ZNF385D: variants seen among roughly 807,000 people sequenced by gnomAD.
ZNF385D encodes the protein zinc finger protein 385D.
ZNF385D carries 15 observed loss-of-function variants against 35.8 expected under a neutral mutation model. That is an observed-to-expected ratio of 0.42 (90% CI 0.28 to 0.64). The LOEUF (loss-of-function observed/expected upper bound fraction) is 0.64. Among genes scored for constraint, ZNF385D ranks in the 30% least tolerant of loss-of-function variants. The probability of loss-of-function intolerance (pLI) is 0.23; values close to 1 mark genes in which losing one functional copy is unlikely to be tolerated. For synonymous variants in ZNF385D, 212 were observed against 186.8 expected (o/e 1.13, Z -1.10); for missense variants, 474 against 494.6 (o/e 0.96, Z 0.39).
At chr3:21,801,394 A>G (rs894876890) in intron 3 of ZNF385D, among the ~76,000 whole-genome samples, 1 of 152,196 alleles carries the variant, frequency 6.6e-6, no homozygotes, top group African/African-American at 2.4e-5. Flanking sequence ...TGGGAAGATA[A>G]GTGTTAATTA....
rs150926281 is a variant in ZNF385D, at chr3:21,415,185, C to T, written c.*6029G>A. The T allele has an allele frequency of 3.9e-5, 6 of 152,204 alleles. No homozygotes were observed. In the East Asian group the frequency reaches 9.6e-4, roughly 24 times the overall value. The allele number at this position is 152,204 out of a possible 1,614,324, so 9.4% of individuals were successfully genotyped here. ...GACTTTAAAAATAATATTTGTTGTACTGGCAAAAATACAATCTGGGTTTCC... is the reference window on the plus strand; with the variant it reads ...GACTTTAAAAATAATATTTGTTGTATTGGCAAAAATACAATCTGGGTTTCC... On this transcript the variant is annotated 3_prime_UTR_variant, in exon 8 of 8. Coordinates refer to ENST00000281523, the MANE Select transcript of ZNF385D (RefSeq NM_024697.3).
chr3:21,580,762 C>CAT (rs760778520), intron 2 of ZNF385D, among the ~76,000 whole-genome samples: 21 of 151,316 alleles, frequency 1.4e-4, no homozygotes, highest in African/African-American at 4.4e-4. Flanking sequence ...TGCAAATGTA[C>CAT]ATATATATAT....
chr3:22,193,346 T>C (rs1696188248), intron 2 of ZNF385D, among the ~76,000 whole-genome samples: 1 of 152,168 alleles, frequency 6.6e-6, no homozygotes, highest in East Asian at 1.9e-4. Flanking sequence ...CATTTTTCTA[T>C]TACAAAGTGA....
chr3:21,493,571 G>C (rs1397649556), intron 4 of ZNF385D, among the ~76,000 whole-genome samples: 1 of 151,852 alleles, frequency 6.6e-6, no homozygotes, highest in East Asian at 1.9e-4. Context: ...AAATGTCTTA[G>C]TAATATAGGG....
At chr3:22,372,613 C>G (rs1049859216) in exon 2 of ZNF385D, 18 of 720,802 alleles carry the variant, frequency 2.5e-5, no homozygotes, top group Admixed American at 1.3e-4. Context: ...TGCCCGCCTG[C>G]AGCTTCAACG....
intron 2 of ZNF385D, among the ~76,000 whole-genome samples, chr3:22,257,980 A>G (rs1700401344): frequency 6.6e-6 from 1 of 151,868 alleles, no homozygotes; most frequent in Non-Finnish European, 1.5e-5. Flanking sequence ...GAGATTGTAC[A>G]ACAATATTTG....
chr3:21,686,936 G>A (rs1227387789), intron 1 of ZNF385D, among the ~76,000 whole-genome samples: 2 of 152,164 alleles, frequency 1.3e-5, no homozygotes, highest in East Asian at 3.8e-4. Flanking sequence ...CTGAAAGGGA[G>A]CCTATTTTCC....
chr3:21,638,578 C>T (rs1185767474), intron 2 of ZNF385D, among the ~76,000 whole-genome samples: 7 of 152,184 alleles, frequency 4.6e-5, no homozygotes, highest in Non-Finnish European at 8.8e-5. Context: ...TGACATCTGT[C>T]ATAAAGTTAT....
At chr3:21,447,881 G>T (rs1702241071) in intron 4 of ZNF385D, among the ~76,000 whole-genome samples, 2 of 152,066 alleles carry the variant, frequency 1.3e-5, no homozygotes, top group South Asian at 2.1e-4. Context: ...CAGTTTTTTT[G>T]TACTGTAGAG....
chr3:21,778,906 C>T (rs2071392308), intron 3 of ZNF385D, among the ~76,000 whole-genome samples: 1 of 151,842 alleles, frequency 6.6e-6, no homozygotes. Flanking sequence ...ATATGAGGAC[C>T]AGGTCCTATT....
chr3:22,297,322 C>T (rs1028964150), intron 2 of ZNF385D, among the ~76,000 whole-genome samples: 2 of 152,082 alleles, frequency 1.3e-5, no homozygotes, highest in Non-Finnish European at 2.9e-5. Context: ...CCGCCTTTCC[C>T]TTCATCTGAA....
chr3:21,717,637 T>C (rs904299622), intron 1 of ZNF385D, among the ~76,000 whole-genome samples: 1 of 152,198 alleles, frequency 6.6e-6, no homozygotes, highest in African/African-American at 2.4e-5. Flanking sequence ...CAGTGGGAGA[T>C]AATTGAATCA....
intron 3 of ZNF385D, among the ~76,000 whole-genome samples, chr3:22,114,678 G>A (rs572248667): frequency 6.6e-6 from 1 of 152,168 alleles, no homozygotes; most frequent in South Asian, 2.1e-4. Context: ...CAGGTCAGGG[G>A]TGAAGATGCT....
At chr3:21,851,610 T>C (rs1192993751) in intron 3 of ZNF385D, among the ~76,000 whole-genome samples, 1 of 152,034 alleles carries the variant, frequency 6.6e-6, no homozygotes, top group Non-Finnish European at 1.5e-5. Flanking sequence ...AAATATCTTG[T>C]GGTCATGACT....
intron 2 of ZNF385D, among the ~76,000 whole-genome samples, chr3:22,172,109 T>C (rs1426682191): frequency 1.3e-5 from 2 of 152,138 alleles, no homozygotes; most frequent in African/African-American, 4.8e-5. Context: ...CCAAAATAAT[T>C]TATCAATTTG....
intron 2 of ZNF385D, among the ~76,000 whole-genome samples, chr3:22,274,684 A>G (rs1701338806): frequency 6.6e-6 from 1 of 151,964 alleles, no homozygotes; most frequent in Non-Finnish European, 1.5e-5. Context: ...AAAAAGAAGT[A>G]AAATAGGTTT....
chr3:21,431,947 G>A (rs1701310454), intron 5 of ZNF385D, among the ~76,000 whole-genome samples: 1 of 152,136 alleles, frequency 6.6e-6, no homozygotes, highest in African/African-American at 2.4e-5. Context: ...ACTAGGTCTT[G>A]CTCATAGTTG....
In ZNF385D at chr3:22,189,527, C is replaced by A. The variant is rs1221035468; in HGVS notation, c.107-20492G>T. Among the ~76,000 whole-genome samples the A allele has an allele frequency of 3.3e-5, 5 of 151,960 alleles. No homozygotes were observed. In the East Asian group the frequency reaches 5.8e-4, roughly 18 times the overall value. The stretch of plus-strand genomic sequence containing the variant: ...GTGAGAACTGAGGGGAGATTTGAAT[C>A]AGGAATAAGGGAACCCGAAAGAGAA... On this transcript the variant is annotated intron_variant, in intron 2 of 5. Transcript: ENST00000494108.
chr3:22,213,438 T>C (rs1286096282), intron 2 of ZNF385D, among the ~76,000 whole-genome samples: 5 of 152,082 alleles, frequency 3.3e-5, no homozygotes, highest in African/African-American at 4.8e-5. Flanking sequence ...CATAAACAGA[T>C]GTGATTTACT....
Sources: allele counts gnomAD v4.1 joint callset (sites outside exome capture counted in the v4.1 genomes callset), GRCh38; gene constraint gnomAD v4.1.1; transcripts MANE v1.5; gene names NCBI Gene and HGNC (gene_info 2026-07-23, HGNC 2026-07-21).